RUFY3: variants seen among roughly 807,000 people sequenced by gnomAD.
RUFY3 encodes the protein protein RUFY3.
RUFY3 carries 34 observed loss-of-function variants against 84.0 expected under a neutral mutation model. That is an observed-to-expected ratio of 0.40 (90% CI 0.31 to 0.54). RUFY3 has a LOEUF of 0.54. Ranked by LOEUF, RUFY3 falls within the 20% of genes least tolerant of loss-of-function variation. RUFY3 has a pLI of 0.39. For synonymous variants in RUFY3, 242 were observed against 252.9 expected, an observed-to-expected ratio of 0.96 and a Z score of 0.41; for missense variants, 507 against 736.8, an observed-to-expected ratio of 0.69 and a Z score of 3.61.
At chr4:70,767,402 G>A (rs57803233) in intron 4 of RUFY3, among the ~76,000 whole-genome samples, 8 of 150,678 alleles carry the variant, frequency 5.3e-5, no homozygotes, top group Admixed American at 4.6e-4. Context: ...GAGCCACTGC[G>A]CCTGGCGATA....
chr4:70,765,684 A>G (rs1179217036), intron 4 of RUFY3, among the ~76,000 whole-genome samples: 1 of 152,070 alleles, frequency 6.6e-6, no homozygotes, highest in East Asian at 1.9e-4. Context: ...GCATGTGATC[A>G]GTTTTTGAGA....
At chr4:70,772,576 A>C (rs966251147) in intron 5 of RUFY3, among the ~76,000 whole-genome samples, 3 of 152,230 alleles carry the variant, frequency 2.0e-5, no homozygotes, top group African/African-American at 7.2e-5. Context: ...TGTATGAAAT[A>C]CTATGACAAA....
intron 1 of RUFY3, among the ~76,000 whole-genome samples, chr4:70,753,853 C>T (rs1242759565): frequency 6.6e-6 from 1 of 152,114 alleles, no homozygotes; most frequent in Non-Finnish European, 1.5e-5. Flanking sequence ...AAGCCCAACC[C>T]TCTCATTTTA....
chr4:70,763,094 G>T (rs918849825), intron 2 of RUFY3, among the ~76,000 whole-genome samples: 2 of 152,148 alleles, frequency 1.3e-5, no homozygotes, highest in African/African-American at 2.4e-5. Flanking sequence ...TTTGAGGGCA[G>T]TAACTGGTCT....
intron 1 of RUFY3, among the ~76,000 whole-genome samples, chr4:70,757,779 G>A (rs1724281927): frequency 6.6e-6 from 1 of 152,092 alleles, no homozygotes; most frequent in African/African-American, 2.4e-5. Context: ...TGATGGCAGG[G>A]ACTAAGTCTA....
At chr4:70,714,598 T>C (rs1741363987) in intron 1 of RUFY3, among the ~76,000 whole-genome samples, 1 of 152,206 alleles carries the variant, frequency 6.6e-6, no homozygotes, top group South Asian at 2.1e-4. Context: ...GTTTTCACAA[T>C]TGAAGTGAAA....
At position 70,802,983 on chromosome 4, in the gene RUFY3, G is replaced by A. The variant is rs1195815909; in HGVS notation, c.1650G>A (p.Gln550=). 8 of 1,607,448 alleles carry A rather than the reference G, an allele frequency of 5.0e-6. No individual in the cohort carries two copies. Among genetic ancestry groups the A allele is most frequent in the Admixed American group, 1.7e-5 (1 of 58,732 alleles). Residue 550 remains glutamine, a splice_region_variant and synonymous_variant, in exon 16 of 18, where the codon CAG becomes CAA. Coordinates refer to ENST00000381006, the MANE Select transcript of RUFY3 (RefSeq NM_001037442.4). Reference sequence around the variant, plus strand: ...TGCAACCCCACCCTATGGATGAACAGGTAACAGAGCCTCCTGTTTCAAAAC... The same window carrying A: ...TGCAACCCCACCCTATGGATGAACAAGTAACAGAGCCTCCTGTTTCAAAAC... ...HRLQPHPMDE[Q]DQLLLSEKPQ...
At chr4:70,709,592 G>A (rs1180951043) in intron 1 of RUFY3, among the ~76,000 whole-genome samples, 2 of 152,170 alleles carry the variant, frequency 1.3e-5, no homozygotes, top group African/African-American at 4.8e-5. Context: ...AATTTGTAAG[G>A]AGGATCTGCT....
intron 1 of RUFY3, among the ~76,000 whole-genome samples, chr4:70,759,374 G>GTGTGTGTGTTTA (rs1271388174): frequency 4.0e-4 from 2 of 4,950 alleles, no homozygotes; most frequent in Non-Finnish European, 5.1e-3. Flanking sequence ...GTGTGTGTAT[G>GTGTGTGTGTTTA]TGTGTGTGTG....
chr4:70,717,580 C>CGT (rs927113823), upstream of RUFY3, among the ~76,000 whole-genome samples: 47 of 150,926 alleles, frequency 3.1e-4, no homozygotes, highest in East Asian at 2.5e-3. Context: ...AGAGACTTTG[C>CGT]GTGTGTGTGT....
intron 10 of RUFY3, 61 bp from the exon 11 acceptor site, chr4:70,788,742 ATAT>A: frequency 6.5e-7 from 1 of 1,547,172 alleles, no homozygotes; most frequent in Non-Finnish European, 8.8e-7. Context: ...TTCCTGTGAA[ATAT>A]TATGGTTTGT....
At chr4:70,756,794 T>C (rs1724096892) in intron 1 of RUFY3, among the ~76,000 whole-genome samples, 1 of 152,166 alleles carries the variant, frequency 6.6e-6, no homozygotes, top group African/African-American at 2.4e-5. Flanking sequence ...GAGTTCTTAC[T>C]GCAGTGTAGT....
At chr4:70,757,584 A>G (rs911570403) in intron 1 of RUFY3, among the ~76,000 whole-genome samples, 2 of 152,246 alleles carry the variant, frequency 1.3e-5, no homozygotes, top group Non-Finnish European at 2.9e-5. Flanking sequence ...AGCCTGGGCA[A>G]CAAGAGTGAA....
In RUFY3 at chr4:70,796,790, C is replaced by G. The variant is rs554695236; in HGVS notation, c.1557+1896C>G. 6.6e-4 allele frequency among the ~76,000 whole-genome samples: 101 copies of G among 152,100 alleles called. 1 individual carries two copies. Among genetic ancestry groups the G allele is most frequent in the Non-Finnish European group, 1.3e-4 (9 of 68,032 alleles). On this transcript the variant is annotated intron_variant, in intron 14 of 17. Transcript: ENST00000381006. Reference sequence around the variant, plus strand: ...AACTGCCCACTTCTTTGGGGACAATCCTAAAGCATTGTCCCCAAAAGCTTT... The same window carrying G: ...AACTGCCCACTTCTTTGGGGACAATGCTAAAGCATTGTCCCCAAAAGCTTT...
chr4:70,781,937 A>G (rs1728995532), intron 8 of RUFY3, among the ~76,000 whole-genome samples: 1 of 152,210 alleles, frequency 6.6e-6, no homozygotes, highest in African/African-American at 2.4e-5. Flanking sequence ...TTTTCCTTCT[A>G]AGAAAGAGAT....
intron 10 of RUFY3, among the ~76,000 whole-genome samples, chr4:70,787,187 A>AAAAAAAT (rs1553920475): frequency 7.4e-5 from 6 of 81,476 alleles, no homozygotes; most frequent in African/African-American, 2.6e-4. Context: ...AAAAAAAAAA[A>AAAAAAAT]ATATATATAT....
Position 70,808,493 on chromosome 4 carries a change from T to G in RUFY3, c.*1834T>G, listed in dbSNP as rs1402734268. Among the ~76,000 whole-genome samples, 2 of 152,192 alleles carry G rather than the reference T, an allele frequency of 1.3e-5. No homozygotes were observed. Among genetic ancestry groups the G allele is most frequent in the East Asian group, 3.8e-4 (2 of 5,198 alleles). ...TCCTGGAACCATGTTTTTTAATAAA[T>G]TCTGTCTCTTGGAAAGAGTTAACAA... On this transcript the variant is annotated 3_prime_UTR_variant, in exon 18 of 18. Coordinates refer to ENST00000381006, the MANE Select transcript of RUFY3 (RefSeq NM_001037442.4).
At chr4:70,799,235 A>C (rs1241408856) in intron 14 of RUFY3, among the ~76,000 whole-genome samples, 1 of 151,620 alleles carries the variant, frequency 6.6e-6, no homozygotes, top group Non-Finnish European at 1.5e-5. Flanking sequence ...TGAGTTGAAC[A>C]GGCTATAGAG....
intron 11 of RUFY3, among the ~76,000 whole-genome samples, chr4:70,789,213 A>G (rs1260301321): frequency 1.3e-5 from 2 of 152,144 alleles, no homozygotes; most frequent in Non-Finnish European, 2.9e-5. Flanking sequence ...TTTTTATCCT[A>G]TAGGGTAATT....
Sources: gnomAD v4.1 joint callset for allele counts (sites outside exome capture counted in the v4.1 genomes callset) on GRCh38, gnomAD v4.1.1 for gene constraint, MANE v1.5 for transcripts, NCBI Gene and HGNC (gene_info 2026-07-23, HGNC 2026-07-21) for gene names.